Variants in MAML2 observed in about 807,000 individuals in gnomAD.
The protein encoded by MAML2 is mastermind-like protein 2.
A neutral mutation model predicts 96.1 loss-of-function variants in MAML2; 22 were observed. The ratio of observed to expected loss-of-function variants is 0.23; its 90% CI spans 0.16 to 0.33. MAML2 has a LOEUF of 0.33. MAML2 is among the 10% of genes least tolerant of loss of function. The pLI is 1.00. For missense variants in MAML2, 1,367 were observed against 1,392.4 expected, an observed-to-expected ratio of 0.98 and a Z score of 0.29; for synonymous variants, 561 against 521.3, an observed-to-expected ratio of 1.08 and a Z score of -1.04.
At chr11:96,050,101 T>G (rs75814130) in intron 2 of MAML2, among the ~76,000 whole-genome samples, 2,946 of 152,232 alleles carry the variant, frequency 0.019, 113 homozygotes, top group African/African-American at 0.067. Context: ...AACAACCCAG[T>G]AAGGAAGGGT....
intron 1 of MAML2, among the ~76,000 whole-genome samples, chr11:96,186,596 A>G (rs990481413): frequency 9.2e-5 from 14 of 152,358 alleles, no homozygotes; most frequent in Middle Eastern, 3.4e-3. Context: ...TCTCAAAAAA[A>G]AATGTGATGA....
chr11:96,037,512 G>A (rs979946987), intron 2 of MAML2, among the ~76,000 whole-genome samples: 3 of 152,162 alleles, frequency 2.0e-5, no homozygotes, highest in Admixed American at 6.5e-5. Flanking sequence ...GCTGGCTGGT[G>A]ACCATGGAAA....
At chr11:96,036,819 T>C (rs897118962) in intron 2 of MAML2, among the ~76,000 whole-genome samples, 2 of 152,192 alleles carry the variant, frequency 1.3e-5, no homozygotes, top group Admixed American at 1.3e-4. Flanking sequence ...ATTTCTAATT[T>C]CCAGGTGTGC....
At chr11:96,310,403 AT>A in intron 1 of MAML2, among the ~76,000 whole-genome samples, 1 of 152,180 alleles carries the variant, frequency 6.6e-6, no homozygotes, top group South Asian at 2.1e-4. Context: ...AGTATGTCAA[AT>A]TTCACCCCAA....
intron 2 of MAML2, among the ~76,000 whole-genome samples, chr11:96,015,586 G>C (rs1266334322): frequency 2.6e-4 from 14 of 54,748 alleles, no homozygotes; most frequent in African/African-American, 7.8e-4. Context: ...AAAAAAAAAG[G>C]GGGGGGGGGC....
chr11:95,998,759 A>C (rs1392607032), intron 2 of MAML2, among the ~76,000 whole-genome samples: 4 of 152,206 alleles, frequency 2.6e-5, no homozygotes, highest in African/African-American at 9.6e-5. Flanking sequence ...TTTTAGCTTG[A>C]GGCAAATAAA....
At chr11:96,102,366 A>G (rs2085567753) in intron 1 of MAML2, among the ~76,000 whole-genome samples, 1 of 152,222 alleles carries the variant, frequency 6.6e-6, no homozygotes, top group South Asian at 2.1e-4. Flanking sequence ...GGAATTTACC[A>G]GTCTGTCTGG....
At chr11:96,255,734 C>T (rs1226270385) in intron 1 of MAML2, among the ~76,000 whole-genome samples, 1 of 152,092 alleles carries the variant, frequency 6.6e-6, no homozygotes, top group Non-Finnish European at 1.5e-5. Flanking sequence ...AAGCCACAGG[C>T]TACGAATGCA....
In MAML2 at chr11:96,342,023, C is replaced by A; in HGVS notation, c.-128G>T. On this transcript the variant is annotated 5_prime_UTR_variant, in exon 1 of 5. Transcript: ENST00000524717. ...TCAGGGCCACATGAATAGAGGTCTT[C>A]AGAGGTTGTGGGGGAGCCGTGGAGA... 1.1e-6 allele frequency: 1 copy of A among 911,866 alleles called. No individual in the cohort carries two copies. The highest frequency in any genetic ancestry group is 1.6e-6 in the Non-Finnish European group (1 of 628,794). 56.5% of individuals were successfully genotyped at this position (911,866 alleles called of 1,614,324 possible). A position where few individuals can be genotyped will look rare whatever the true frequency, so the allele number is the denominator to read the frequency against.
chr11:96,322,682 A>G (rs1489760501), intron 1 of MAML2, among the ~76,000 whole-genome samples: 2 of 152,252 alleles, frequency 1.3e-5, no homozygotes, highest in African/African-American at 4.8e-5. Flanking sequence ...CCACGGAGCG[A>G]GACTCCGTCT....
At chr11:96,315,652 C>T (rs780160577) in intron 1 of MAML2, among the ~76,000 whole-genome samples, 2 of 152,164 alleles carry the variant, frequency 1.3e-5, no homozygotes, top group African/African-American at 2.4e-5. Context: ...CCCACTCTGA[C>T]AGGTCAGAAT....
chr11:96,143,102 G>A (rs969590500), intron 1 of MAML2, among the ~76,000 whole-genome samples: 1 of 152,176 alleles, frequency 6.6e-6, no homozygotes, highest in Non-Finnish European at 1.5e-5. Context: ...AGCAGGCATT[G>A]TCTCTCTTTT....
At chr11:96,332,469 A>G (rs1863866721) in intron 1 of MAML2, among the ~76,000 whole-genome samples, 3 of 152,214 alleles carry the variant, frequency 2.0e-5, no homozygotes, top group African/African-American at 4.8e-5. Context: ...AAAGAATCTA[A>G]GGGAGAAAAG....
chr11:96,094,871 A>T (rs1442273469), intron 1 of MAML2, among the ~76,000 whole-genome samples: 3 of 152,218 alleles, frequency 2.0e-5, no homozygotes, highest in African/African-American at 7.2e-5. Context: ...CTTCTCACTT[A>T]TGGCTGCTCT....
intron 1 of MAML2, among the ~76,000 whole-genome samples, chr11:96,164,736 G>A (rs931990415): frequency 3.9e-5 from 6 of 152,132 alleles, no homozygotes; most frequent in Admixed American, 1.3e-4. Context: ...TGGGCACCGC[G>A]GACCATGTAC....
At chr11:96,242,723 C>G (rs1260135892) in intron 1 of MAML2, among the ~76,000 whole-genome samples, 2 of 152,064 alleles carry the variant, frequency 1.3e-5, no homozygotes, top group Non-Finnish European at 1.5e-5. Flanking sequence ...CTCTGGCACT[C>G]AAGCACTGAA....
chr11:96,282,144 G>C (rs1863077362), intron 1 of MAML2, among the ~76,000 whole-genome samples: 1 of 151,802 alleles, frequency 6.6e-6, no homozygotes, highest in Admixed American at 6.6e-5. Context: ...AGCTACTCGG[G>C]AGGCTGAGGC....
intron 1 of MAML2, among the ~76,000 whole-genome samples, chr11:96,325,167 C>G (rs2136013829): frequency 6.6e-6 from 1 of 152,114 alleles, no homozygotes; most frequent in East Asian, 1.9e-4. Context: ...TGAAGACATT[C>G]AACGTCCCCA....
At chr11:96,164,729 G>A (rs546818905) in intron 1 of MAML2, among the ~76,000 whole-genome samples, 70 of 152,278 alleles carry the variant, frequency 4.6e-4, no homozygotes, top group Non-Finnish European at 9.1e-4. Flanking sequence ...GATCTGATGG[G>A]CACCGCGGAC....
Sources: allele counts gnomAD v4.1 joint callset (sites outside exome capture counted in the v4.1 genomes callset), GRCh38; gene constraint gnomAD v4.1.1; transcripts MANE v1.5; gene names NCBI Gene and HGNC (gene_info 2026-07-23, HGNC 2026-07-21).